SLC4A3: variants seen among roughly 807,000 people sequenced by gnomAD.
SLC4A3 encodes solute carrier family 4 member 3, also known as anion exchange protein 3.
Under a neutral mutation model 114.2 loss-of-function variants are expected in SLC4A3, and 47 were observed. The ratio of observed to expected loss-of-function variants is 0.41; its 90% CI spans 0.33 to 0.52. SLC4A3 has a LOEUF of 0.52. Ranked by LOEUF, SLC4A3 falls within the 20% of genes least tolerant of loss-of-function variation. The probability of loss-of-function intolerance (pLI) is 0.21; values close to 1 mark genes in which losing one functional copy is unlikely to be tolerated. For missense variants in SLC4A3, 1,312 were observed against 1,668.3 expected, an observed-to-expected ratio of 0.79 and a Z score of 3.72; for synonymous variants, 693 against 710.3, an observed-to-expected ratio of 0.98 and a Z score of 0.39.
rs900737242 is a variant in SLC4A3, at chr2:219,635,879, G to T, written c.2179G>T (p.Gly727Trp). ...FAALSPAITFGGLLGEKTEGL... is the reference protein window; with the variant it reads ...FAALSPAITFWGLLGEKTEGL... ...AGCCCTCAGCCCTGCCATCACCTTC[G>T]GGGGGCTGCTGGGTAAGGGACTGGG... The change falls in exon 14 of 23, where the codon GGG becomes TGG. Residue 727 changes from glycine to tryptophan, a missense_variant. Gly to Trp is a radical substitution (Grantham distance 184). Coordinates refer to ENST00000358055, the MANE Select transcript of SLC4A3 (RefSeq NM_005070.4). 3 of 1,520,348 alleles carry T rather than the reference G, an allele frequency of 2.0e-6. No homozygotes were observed. The highest frequency in any genetic ancestry group is 2.6e-6 in the Non-Finnish European group (3 of 1,137,394). 94.2% of individuals were successfully genotyped at this position (1,520,348 alleles called of 1,614,324 possible).
chr2:219,635,466 A>G lies in SLC4A3; in HGVS notation c.1942A>G (p.Thr648Ala), dbSNP rs1183069033. Residue 648 changes from threonine (T) to alanine (A), a missense_variant, in exon 13 of 23, where the codon ACA (threonine) becomes GCA (alanine). Physicochemically the swap from Thr to Ala is moderately conservative, Grantham distance 58 (BLOSUM62 0). Transcript: ENST00000358055. Reference protein sequence around the residue: ...EREQTKVEMTTRGGYTAPGKE... With the variant: ...EREQTKVEMTARGGYTAPGKE... ...TGAACAGACCAAAGTCGAGATGACC[A>G]CACGGGGTGGCTACACGGCCCCTGG... 3.1e-6 allele frequency: 5 copies of G among 1,613,382 alleles called. No homozygotes were observed. The highest frequency in any genetic ancestry group is 4.2e-6 in the Non-Finnish European group (5 of 1,179,720).
Position 219,639,488 on chromosome 2 carries a change from C to T in SLC4A3, c.3030C>T (p.Ile1010=), listed in dbSNP as rs539780387. ...IFMETQITAL[I]VSQKARRLLK... is the part of the protein sequence containing the mutation. The stretch of plus-strand genomic sequence containing the variant: ...CCCCACCTTCTCCCTGCAGGCTTAT[C>T]GTCAGCCAGAAGGCGCGGAGGCTGC... The change falls in exon 20 of 23, where the codon ATC becomes ATT. Residue 1010 remains isoleucine (I), a synonymous_variant. Transcript: ENST00000358055. This position sits in a 1 kb window ranked among gnomAD's most constrained non-coding sequence, Gnocchi z 5.9. The T allele has an allele frequency of 1.3e-5, 21 of 1,612,856 alleles. No individual in the cohort carries two copies. The highest frequency in any genetic ancestry group is 2.7e-5 in the African/African-American group (2 of 75,010).
At chr2:219,633,532 C>T (rs1323915399) in intron 10 of SLC4A3, 75 bp downstream of exon 10, 4 of 1,311,808 alleles carry the variant, frequency 3.0e-6, no homozygotes, top group East Asian at 2.6e-5. Flanking sequence ...TCGACGACTT[C>T]ACTGAGTGGG....
In SLC4A3 at chr2:219,638,046, G is replaced by T; in HGVS notation, c.2767-118G>T. The T allele has an allele frequency of 1.2e-6, 1 of 847,914 alleles. No homozygotes were observed. Among genetic ancestry groups the T allele is most frequent in the East Asian group, 2.7e-5 (1 of 37,734 alleles). 52.5% of individuals were successfully genotyped at this position (847,914 alleles called of 1,614,324 possible). ...TGGCACCTGTGGGGTTGAGAGGCAC[G>T]TGGGGGGCCTTCTGGCTCCAGCTTG... is the stretch of plus-strand genomic sequence containing the variant. On this transcript the variant is annotated intron_variant, in intron 17 of 22. Coordinates refer to ENST00000358055, the MANE Select transcript of SLC4A3 (RefSeq NM_005070.4). This position sits in a 1 kb window ranked among gnomAD's most constrained non-coding sequence, Gnocchi z 7.5.
rs887025232 is a variant in SLC4A3, at chr2:219,628,636, C to T, written c.217+66C>T. ...CCATCACCTTCATCGCCACCATCAC[C>T]GCGCTCACCTCCGGCTTGGTCACCC... is the stretch of plus-strand genomic sequence containing the variant. On this transcript the variant is annotated intron_variant, in intron 3 of 22. Transcript: ENST00000358055. The surrounding 1 kb of genome is among the most constrained non-coding windows in gnomAD (Gnocchi z 4.8). 51 of 1,527,228 alleles carry T rather than the reference C, an allele frequency of 3.3e-5. No individual in the cohort carries two copies. Among genetic ancestry groups the T allele is most frequent in the South Asian group, 1.1e-4 (10 of 87,530 alleles). 94.6% of individuals were successfully genotyped at this position (1,527,228 alleles called of 1,614,324 possible).
chr2:219,638,148 A>G lies in SLC4A3; in HGVS notation c.2767-16A>G, dbSNP rs1258616058. 8 of 1,601,778 alleles carry G rather than the reference A, an allele frequency of 5.0e-6. No individual in the cohort carries two copies. The highest frequency in any genetic ancestry group is 1.1e-5 in the South Asian group (1 of 89,484). On this transcript the variant is annotated splice_polypyrimidine_tract_variant and intron_variant, in intron 17 of 22. Coordinates refer to ENST00000358055, the MANE Select transcript of SLC4A3 (RefSeq NM_005070.4). This position sits in a 1 kb window ranked among gnomAD's most constrained non-coding sequence, Gnocchi z 7.5. ...CCTCCACCTTTTGCTCCCTTCCCCA[A>G]CTGGCCCCTCTCAAGGCTCGTCGCA... is the stretch of plus-strand genomic sequence containing the variant.
chr2:219,633,031 AG>A, intron 9 of SLC4A3, 22 bp downstream of exon 9: 1 of 1,613,090 alleles, frequency 6.2e-7, no homozygotes, highest in Non-Finnish European at 8.5e-7. Flanking sequence ...GGTCCCTGGG[AG>A]GGGCCTGTCC....
chr2:219,629,995 G>C, intron 5 of SLC4A3, 158 bp from the exon 6 acceptor site: 3 of 1,439,366 alleles, frequency 2.1e-6, no homozygotes, highest in Non-Finnish European at 2.8e-6. Context: ...GGGAGCCACG[G>C]GATGGGGAGG....
chr2:219,629,915 T>G (rs1574645158), intron 5 of SLC4A3, among the ~76,000 whole-genome samples: 50 of 132,888 alleles, frequency 3.8e-4, no homozygotes, highest in East Asian at 9.2e-4. Context: ...AAGAGCAGAG[T>G]GAAGAGGTTA....
rs189313528 is a variant in SLC4A3, at chr2:219,637,205, T to G, written c.2535+331T>G. ...CCTTTTGTAGAGGAGTGTGTGTGTG[T>G]GTGTGGGTGTGGGTGTGGTGTGAGT... On this transcript the variant is annotated intron_variant, in intron 16 of 22. Coordinates refer to ENST00000358055, the MANE Select transcript of SLC4A3 (RefSeq NM_005070.4). This position sits in a 1 kb window ranked among gnomAD's most constrained non-coding sequence, Gnocchi z 4.6. 4.7e-5 allele frequency among the ~76,000 whole-genome samples: 6 copies of G among 128,706 alleles called. No homozygotes were observed. Among genetic ancestry groups the G allele is most frequent in the Admixed American group, 7.9e-5 (1 of 12,718 alleles). The allele number at this position is 128,706 out of a possible 152,430, so 84.4% of individuals were successfully genotyped here.
rs1360729773 is a variant in SLC4A3, at chr2:219,635,831, G to A, written c.2131G>A (p.Ala711Thr). 5.0e-6 allele frequency: 8 copies of A among 1,585,178 alleles called. No individual in the cohort carries two copies. The highest frequency in any genetic ancestry group is 2.7e-5 in the African/African-American group (2 of 74,080). Residue 711 changes from alanine to threonine, a missense_variant, in exon 14 of 23, where the codon GCT becomes ACT. Physicochemically the swap from Ala to Thr is moderately conservative, Grantham distance 58. Coordinates refer to ENST00000358055, the MANE Select transcript of SLC4A3 (RefSeq NM_005070.4). ...TGCGCTGCACTCCCAGTGTGTGGCC[G>A]CTGTGCTCTTCATCTACTTCGCAGC... ...RDALHSQCVAAVLFIYFAALS... is the reference protein window; with the variant it reads ...RDALHSQCVATVLFIYFAALS...
chr2:219,639,756 T>C lies in SLC4A3; in HGVS notation c.3277+21T>C. ...CGTGGGTGAGAGCCCGCCTCCACCC[T>C]GCACACCCCCTTCCTTGGGCCCCAC... On this transcript the variant is annotated intron_variant, in intron 20 of 22. Coordinates refer to ENST00000358055, the MANE Select transcript of SLC4A3 (RefSeq NM_005070.4). This position sits in a 1 kb window ranked among gnomAD's most constrained non-coding sequence, Gnocchi z 5.9. 1 of 1,597,702 alleles carries C rather than the reference T, an allele frequency of 6.3e-7. No homozygotes were observed. Among genetic ancestry groups the C allele is most frequent in the Non-Finnish European group, 8.5e-7 (1 of 1,176,610 alleles).
In SLC4A3 at chr2:219,636,719, G is replaced by A; in HGVS notation, c.2380G>A (p.Val794Met). The A allele has an allele frequency of 6.2e-7, 1 of 1,614,090 alleles. No individual in the cohort carries two copies. ...GGACCTGGAGTACCTCACTGGCCGG[G>A]TGTGGGTTGGTCTCTGGCTGGTGGT... ...AQDLEYLTGR[V>M]WVGLWLVVFV... Residue 794 changes from valine to methionine, a missense_variant, in exon 16 of 23, where the codon GTG becomes ATG. Around this residue, in one of 4 missense-constraint regions of SLC4A3, gnomAD observed 771 missense variants for 977.7 expected, o/e 0.79. Transcript: ENST00000358055. The surrounding 1 kb of genome is among the most constrained non-coding windows in gnomAD (Gnocchi z 5.5).
chr2:219,631,304 C>T lies in SLC4A3; in HGVS notation c.812-664C>T, dbSNP rs1321341942. The T allele has an allele frequency of 1.5e-6, 2 of 1,303,838 alleles. No homozygotes were observed. Among genetic ancestry groups the T allele is most frequent in the Non-Finnish European group, 2.0e-6 (2 of 988,650 alleles). 80.8% of individuals were successfully genotyped at this position (1,303,838 alleles called of 1,614,324 possible). A position where few individuals can be genotyped will look rare whatever the true frequency, so the allele number is the denominator to read the frequency against. On this transcript the variant is annotated intron_variant, in intron 6 of 22. Coordinates refer to ENST00000358055, the MANE Select transcript of SLC4A3 (RefSeq NM_005070.4). This position sits in a 1 kb window ranked among gnomAD's most constrained non-coding sequence, Gnocchi z 6.3. ...CACTGAGCCCTGGGCCTGGGGATAC[C>T]AATAGCTGGGGCTTTGGGAGGGATC...
In SLC4A3 at chr2:219,628,430, C is replaced by T. The variant is rs1342140614; in HGVS notation, c.77C>T (p.Pro26Leu). 1.2e-6 allele frequency: 2 copies of T among 1,613,114 alleles called. No individual in the cohort carries two copies. The highest frequency in any genetic ancestry group is 4.5e-5 in the East Asian group (2 of 44,822). ...GTCCGGGTGCCCTTGGAGGAGCCCC[C>T]TCTAAGTCCAGACGTGGAGGAGGAG... ...PQVRVPLEEP[P>L]LSPDVEEEDD... The change falls in exon 3 of 23, where the codon CCT (proline) becomes CTT (leucine). Residue 26 changes from proline (P) to leucine (L), a missense_variant. By Grantham distance (98) the Pro-to-Leu change is moderately conservative. Transcript: ENST00000358055. The surrounding 1 kb of genome is among the most constrained non-coding windows in gnomAD (Gnocchi z 4.8).
rs1698817903 is a variant in SLC4A3 at position 219,628,926 on chromosome 2, C to A, written c.218-218C>A. On this transcript the variant is annotated intron_variant, in intron 3 of 22. Transcript: ENST00000358055. This position sits in a 1 kb window ranked among gnomAD's most constrained non-coding sequence, Gnocchi z 4.8. ...GCTGTATCACGTCTCCCCTCCCAGC[C>A]CCCTTCATGACCTTCCCTGTCCATC... Among the ~76,000 whole-genome samples, 1 of 152,282 alleles carries A rather than the reference C, an allele frequency of 6.6e-6. No individual in the cohort carries two copies. Among genetic ancestry groups the A allele is most frequent in the South Asian group, 2.1e-4 (1 of 4,820 alleles).
rs1426960173 is a variant in SLC4A3, at chr2:219,640,764, TGGGGCCCACTGGCTGCTC to T, written c.3448-24_3448-7del. The T allele has an allele frequency of 6.2e-7, 1 of 1,606,058 alleles. No individual in the cohort carries two copies. Among genetic ancestry groups the T allele is most frequent in the South Asian group, 1.1e-5 (1 of 90,600 alleles). Reference sequence around the variant, plus strand: ...GGGAGCAGGCCGGGACGCTGTGCACTGGGGCCCACTGGCTGCTCCCCTAGGTGAAGACGTGGCGGATGC... The same window carrying T: ...GGGAGCAGGCCGGGACGCTGTGCACTCCCTAGGTGAAGACGTGGCGGATGC... On this transcript the variant is annotated splice_region_variant and splice_polypyrimidine_tract_variant and intron_variant, in intron 21 of 22. Coordinates refer to ENST00000358055, the MANE Select transcript of SLC4A3 (RefSeq NM_005070.4).
intron 12 of SLC4A3, 92 bp downstream of exon 12, chr2:219,634,696 G>C: frequency 7.3e-7 from 1 of 1,366,892 alleles, no homozygotes; most frequent in Non-Finnish European, 9.9e-7. Flanking sequence ...AGAGGCAAGG[G>C]TGCTAGAGGC....
chr2:219,637,457 C>T lies in SLC4A3; in HGVS notation c.2536-124C>T, dbSNP rs1014958638. On this transcript the variant is annotated intron_variant, in intron 16 of 22. Transcript: ENST00000358055. The surrounding 1 kb of genome is among the most constrained non-coding windows in gnomAD (Gnocchi z 4.6). Reference sequence around the variant, plus strand: ...TGTGTGTGTGGTGCAGCTGGATGTCCGTGCATTACTGTTGTCTGACCAGGT... The same window carrying T: ...TGTGTGTGTGGTGCAGCTGGATGTCTGTGCATTACTGTTGTCTGACCAGGT... 9 of 607,850 alleles carry T rather than the reference C, an allele frequency of 1.5e-5. No individual in the cohort carries two copies. The highest frequency in any genetic ancestry group is 1.3e-4 in the Admixed American group (4 of 31,782). The allele number at this position is 607,850 out of a possible 1,614,324, so 37.7% of individuals were successfully genotyped here. A position where few individuals can be genotyped will look rare whatever the true frequency, so the allele number is the denominator to read the frequency against.
Sources: gnomAD v4.1 joint callset for allele counts (sites outside exome capture counted in the v4.1 genomes callset) on GRCh38, gnomAD v4.1.1 for gene constraint, gnomAD v4.1.1 regional missense constraint, Gnocchi (gnomAD v3.1) non-coding constraint, MANE v1.5 for transcripts, NCBI Gene and HGNC (gene_info 2026-07-23, HGNC 2026-07-21) for gene names.